The following SLC9A9 variants were observed in gnomAD, a reference collection of about 807,000 sequenced individuals.
The protein encoded by SLC9A9 is solute carrier family 9 member A9, also known as sodium/hydrogen exchanger 9.
Under a neutral mutation model 77.8 loss-of-function variants are expected in SLC9A9, and 62 were observed. That is an observed-to-expected ratio of 0.80 (90% CI 0.65 to 0.98). SLC9A9 has a LOEUF of 0.98. Among genes scored for constraint, SLC9A9 ranks in the 50% least tolerant of loss-of-function variants. The probability of loss-of-function intolerance (pLI) is 0.00; values close to 1 mark genes in which losing one functional copy is unlikely to be tolerated. For missense variants in SLC9A9, 775 were observed against 774.9 expected (o/e 1.00, Z 0.00); for synonymous variants, 320 against 283.5 (o/e 1.13, Z -1.29).
Position 143,764,971 on chromosome 3 carries a change from T to TTTCCTTCCTTCCTTCCTTCCTTCC in SLC9A9, c.533+30006_533+30029dup, listed in dbSNP as rs139347757. ...CTTCCTTCCTTTTTGTTTCTCTTTC[T>TTTCCTTCCTTCCTTCCTTCCTTCC]TTCCTTCCTTCCTTCCTTCCTTCCT... On this transcript the variant is annotated intron_variant, in intron 4 of 15. Coordinates refer to ENST00000316549, the MANE Select transcript of SLC9A9 (RefSeq NM_173653.4). Among the ~76,000 whole-genome samples the TTTCCTTCCTTCCTTCCTTCCTTCC allele has an allele frequency of 5.3e-3, 782 of 147,328 alleles. 12 individuals carry two copies. The highest frequency in any genetic ancestry group is 0.019 in the African/African-American group (739 of 38,758).
intron 12 of SLC9A9, among the ~76,000 whole-genome samples, chr3:143,447,125 T>C (rs1312491914): frequency 6.6e-6 from 1 of 152,184 alleles, no homozygotes; most frequent in Non-Finnish European, 1.5e-5. Flanking sequence ...GCCGAAGTTA[T>C]AAAGTTGTTA....
intron 12 of SLC9A9, among the ~76,000 whole-genome samples, chr3:143,430,453 G>A (rs943941927): frequency 1.3e-5 from 2 of 152,144 alleles, no homozygotes; most frequent in African/African-American, 4.8e-5. Context: ...GCTGGCATAG[G>A]GCCTGGTCCC....
chr3:143,284,038 CTT>C (rs112727941), intron 14 of SLC9A9, among the ~76,000 whole-genome samples: 10 of 142,754 alleles, frequency 7.0e-5, no homozygotes, highest in Admixed American at 7.0e-5. Flanking sequence ...GTTCCAGGAC[CTT>C]TTTTTTTTTT....
At chr3:143,282,034 C>T (rs1266433668) in intron 14 of SLC9A9, among the ~76,000 whole-genome samples, 2 of 152,176 alleles carry the variant, frequency 1.3e-5, no homozygotes, top group East Asian at 3.9e-4. Flanking sequence ...CTTTTCCTTT[C>T]AGCTTGGCAC....
At chr3:143,306,245 A>T (rs1171808389) in intron 14 of SLC9A9, among the ~76,000 whole-genome samples, 1 of 152,212 alleles carries the variant, frequency 6.6e-6, no homozygotes, top group Non-Finnish European at 1.5e-5. Flanking sequence ...AGGCCTCCCC[A>T]GAGGACCTGG....
At chr3:143,440,601 A>C (rs372713332) in intron 12 of SLC9A9, among the ~76,000 whole-genome samples, 11 of 152,264 alleles carry the variant, frequency 7.2e-5, no homozygotes, top group African/African-American at 2.6e-4. Context: ...AGGGTATCCC[A>C]CCGGGTAAAT....
chr3:143,540,723 C>A (rs1446162756), intron 9 of SLC9A9, among the ~76,000 whole-genome samples: 1 of 152,180 alleles, frequency 6.6e-6, no homozygotes, highest in African/African-American at 2.4e-5. Context: ...ATGCACTACT[C>A]TATTCTTTGT....
chr3:143,348,593 T>C (rs897621072), intron 14 of SLC9A9, among the ~76,000 whole-genome samples: 1 of 152,202 alleles, frequency 6.6e-6, no homozygotes, highest in African/African-American at 2.4e-5. Context: ...AGTGAATGTA[T>C]ACTCCTTTTT....
At chr3:143,691,822 A>G (rs1028241862) in intron 5 of SLC9A9, among the ~76,000 whole-genome samples, 2 of 152,112 alleles carry the variant, frequency 1.3e-5, no homozygotes, top group Admixed American at 1.3e-4. Context: ...TCTAATACCC[A>G]CTGAGACATA....
chr3:143,526,765 G>A (rs1349776254), intron 9 of SLC9A9, among the ~76,000 whole-genome samples: 1 of 152,352 alleles, frequency 6.6e-6, no homozygotes, highest in East Asian at 1.9e-4. Flanking sequence ...GGCTTTGAAA[G>A]ATATTAATGT....
intron 6 of SLC9A9, among the ~76,000 whole-genome samples, chr3:143,584,412 A>C (rs2037507577): frequency 6.6e-6 from 1 of 152,190 alleles, no homozygotes; most frequent in East Asian, 1.9e-4. Context: ...CTCCAGCCTC[A>C]GTCCAGCCTC....
intron 14 of SLC9A9, among the ~76,000 whole-genome samples, chr3:143,316,242 C>A (rs1416756140): frequency 3.9e-5 from 6 of 152,182 alleles, no homozygotes; most frequent in Non-Finnish European, 8.8e-5. Flanking sequence ...GGATTTCTTT[C>A]ATTTTTGTCA....
chr3:143,552,745 T>C (rs1345445114), intron 8 of SLC9A9, among the ~76,000 whole-genome samples: 7 of 152,138 alleles, frequency 4.6e-5, no homozygotes, highest in Non-Finnish European at 7.4e-5. Context: ...AAAGTTATAT[T>C]TGAAAACATG....
chr3:143,785,676 G>A (rs1263442848), intron 4 of SLC9A9, among the ~76,000 whole-genome samples: 1 of 151,930 alleles, frequency 6.6e-6, no homozygotes, highest in African/African-American at 2.4e-5. Context: ...CCTCTTATCT[G>A]AATGGAGTTG....
chr3:143,668,626 G>A (rs373242782), intron 5 of SLC9A9, among the ~76,000 whole-genome samples: 8 of 152,094 alleles, frequency 5.3e-5, no homozygotes, highest in African/African-American at 9.7e-5. Context: ...GTTCATCTGC[G>A]CATTTGTCAA....
chr3:143,289,375 C>T (rs1272094504), intron 14 of SLC9A9, among the ~76,000 whole-genome samples: 2 of 152,048 alleles, frequency 1.3e-5, no homozygotes, highest in Non-Finnish European at 2.9e-5. Context: ...TTTAAATGTC[C>T]CTTTGTCTTT....
intron 12 of SLC9A9, among the ~76,000 whole-genome samples, chr3:143,385,242 T>C (rs1201661799): frequency 6.6e-6 from 1 of 152,170 alleles, no homozygotes; most frequent in Non-Finnish European, 1.5e-5. Flanking sequence ...CCCCACCCCT[T>C]TAATTTACTG....
intron 10 of SLC9A9, among the ~76,000 whole-genome samples, chr3:143,494,186 G>A (rs1465813482): frequency 6.6e-6 from 1 of 152,108 alleles, no homozygotes; most frequent in Non-Finnish European, 1.5e-5. Flanking sequence ...CTTCTTATCA[G>A]TTTATATTTC....
At chr3:143,770,496 G>A (rs2007478973) in intron 4 of SLC9A9, among the ~76,000 whole-genome samples, 1 of 152,188 alleles carries the variant, frequency 6.6e-6, no homozygotes, top group Non-Finnish European at 1.5e-5. Flanking sequence ...TAACAATCTT[G>A]TGTTGGGAGG....
Sources: gnomAD v4.1 joint callset for allele counts (sites outside exome capture counted in the v4.1 genomes callset) on GRCh38, gnomAD v4.1.1 for gene constraint, MANE v1.5 for transcripts, NCBI Gene and HGNC (gene_info 2026-07-23, HGNC 2026-07-21) for gene names.